Variants in FRAS1 observed in about 807,000 individuals in gnomAD.
FRAS1 encodes the protein extracellular matrix organizing protein FRAS1.
Under a neutral mutation model 435.2 loss-of-function variants are expected in FRAS1, and 290 were observed. The ratio of observed to expected loss-of-function variants is 0.67; its 90% CI spans 0.61 to 0.73. FRAS1 has a LOEUF of 0.73. Among genes scored for constraint, FRAS1 ranks in the 30% least tolerant of loss-of-function variants. The probability of loss-of-function intolerance (pLI) is 0.00; values close to 1 mark genes in which losing one functional copy is unlikely to be tolerated. For synonymous variants in FRAS1, 1,800 were observed against 1,851.0 expected, an observed-to-expected ratio of 0.97 and a Z score of 0.71; for missense variants, 4,860 against 5,001.5, an observed-to-expected ratio of 0.97 and a Z score of 0.85.
intron 2 of FRAS1, among the ~76,000 whole-genome samples, chr4:78,112,252 A>G (rs565476642): frequency 3.9e-5 from 6 of 152,294 alleles, no homozygotes; most frequent in Middle Eastern, 3.4e-3. Flanking sequence ...AGTCATGTCA[A>G]AAGCTAGCTG....
intron 27 of FRAS1, among the ~76,000 whole-genome samples, chr4:78,383,081 G>A (rs984002776): frequency 2.6e-5 from 4 of 152,158 alleles, no homozygotes; most frequent in African/African-American, 9.7e-5. Context: ...ATTCAGCAGC[G>A]AGTTCTGTGC....
At chr4:78,156,704 T>C (rs1312821295) in intron 2 of FRAS1, among the ~76,000 whole-genome samples, 1 of 152,202 alleles carries the variant, frequency 6.6e-6, no homozygotes, top group East Asian at 1.9e-4. Flanking sequence ...ATGACTGAAT[T>C]GAATGATTCT....
intron 2 of FRAS1, among the ~76,000 whole-genome samples, chr4:78,121,943 A>G (rs1162600840): frequency 1.3e-5 from 2 of 152,166 alleles, no homozygotes; most frequent in Admixed American, 6.5e-5. Flanking sequence ...AAGACTCTAG[A>G]TCCTTAAGGG....
chr4:78,262,001 G>A (rs1460525708), intron 6 of FRAS1, among the ~76,000 whole-genome samples: 3 of 152,120 alleles, frequency 2.0e-5, no homozygotes, highest in Non-Finnish European at 2.9e-5. Context: ...TCAGACTATA[G>A]TCACTGCTTG....
chr4:78,529,503 C>A (rs1338378964), intron 70 of FRAS1, among the ~76,000 whole-genome samples: 1 of 152,074 alleles, frequency 6.6e-6, no homozygotes, highest in East Asian at 1.9e-4. Flanking sequence ...TCACCACTAA[C>A]CTGATATTTG....
intron 20 of FRAS1, among the ~76,000 whole-genome samples, chr4:78,347,984 G>GCAGTGC (rs1417270281): frequency 5.9e-5 from 3 of 51,172 alleles, no homozygotes; most frequent in South Asian, 3.2e-4. Context: ...CAAGATAGGG[G>GCAGTGC]AGGAGCCAAG....
At chr4:78,167,170 T>C (rs1361103312) in intron 2 of FRAS1, among the ~76,000 whole-genome samples, 1 of 152,204 alleles carries the variant, frequency 6.6e-6, no homozygotes, top group Non-Finnish European at 1.5e-5. Flanking sequence ...CTAGATTTTC[T>C]TTTCTGTACA....
chr4:78,444,267 A>G (rs1053368507), intron 41 of FRAS1: 4 of 432,460 alleles, frequency 9.2e-6, no homozygotes, highest in Non-Finnish European at 1.8e-5. Flanking sequence ...CCTTCTGGAA[A>G]CCCTGAACTG....
intron 41 of FRAS1, among the ~76,000 whole-genome samples, chr4:78,443,264 A>G (rs1363185562): frequency 6.6e-6 from 1 of 152,178 alleles, no homozygotes; most frequent in Non-Finnish European, 1.5e-5. Context: ...AGGCTGAGGC[A>G]GGAGGATCAG....
chr4:78,477,890 G>C lies in FRAS1; in HGVS notation c.7927G>C (p.Glu2643Gln), dbSNP rs752934777. ...INDDDVFENV[E>Q]SFTVELSMPA... ...CGATGATGACGTGTTTGAAAATGTTGAGAGTTTCACTGTGGAGCTCAGCAT... is the reference window on the plus strand; with the variant it reads ...CGATGATGACGTGTTTGAAAATGTTCAGAGTTTCACTGTGGAGCTCAGCAT... The change falls in exon 55 of 74, where the codon GAG becomes CAG. Residue 2643 changes from glutamate (E) to glutamine (Q), a missense_variant. Coordinates refer to ENST00000512123, the MANE Select transcript of FRAS1 (RefSeq NM_025074.7). 1.5e-5 allele frequency: 25 copies of C among 1,613,456 alleles called. No individual in the cohort carries two copies. The highest frequency in any genetic ancestry group is 2.1e-5 in the Non-Finnish European group (25 of 1,179,772).
At chr4:78,229,086 G>C (rs546458373) in intron 2 of FRAS1, among the ~76,000 whole-genome samples, 1 of 152,222 alleles carries the variant, frequency 6.6e-6, no homozygotes, top group Admixed American at 6.5e-5. Flanking sequence ...AGGTGGGTTT[G>C]GTGGGAAAAA....
chr4:78,252,573 G>A (rs367778375), intron 5 of FRAS1, 22 bp downstream of exon 5: 13 of 1,603,464 alleles, frequency 8.1e-6, no homozygotes, highest in Non-Finnish European at 1.1e-5. Flanking sequence ...CTTGTAGAAG[G>A]GGACCCTCTT....
intron 71 of FRAS1, among the ~76,000 whole-genome samples, chr4:78,536,674 C>T (rs1163827693): frequency 6.6e-6 from 1 of 152,058 alleles, no homozygotes; most frequent in East Asian, 1.9e-4. Flanking sequence ...TGTTTCCATC[C>T]TCTCAACTGC....
intron 20 of FRAS1, among the ~76,000 whole-genome samples, chr4:78,343,715 C>T (rs559810954): frequency 2.2e-4 from 33 of 152,302 alleles, no homozygotes; most frequent in Non-Finnish European, 4.4e-4. Flanking sequence ...TAAGCTGATA[C>T]AACTGCAGCA....
chr4:78,063,494 T>C (rs1739850268), intron 1 of FRAS1, among the ~76,000 whole-genome samples: 1 of 152,222 alleles, frequency 6.6e-6, no homozygotes, highest in South Asian at 2.1e-4. Context: ...TCTTTTGGAA[T>C]TGTACAATAC....
chr4:78,297,292 T>A (rs1467960091), intron 14 of FRAS1, among the ~76,000 whole-genome samples: 1 of 152,186 alleles, frequency 6.6e-6, no homozygotes, highest in Admixed American at 6.5e-5. Context: ...ATTGTGCTAA[T>A]TCTCTGGAAA....
chr4:78,536,487 C>T (rs1013900164), intron 71 of FRAS1, among the ~76,000 whole-genome samples: 7 of 152,118 alleles, frequency 4.6e-5, no homozygotes, highest in Non-Finnish European at 1.0e-4. Context: ...CCACCCTCAC[C>T]GTTTGCTTGC....
rs781258162 is a variant in FRAS1, at chr4:78,278,748, A to G, written c.1071+4A>G. 6.6e-7 allele frequency: 1 copy of G among 1,524,030 alleles called. No individual in the cohort carries two copies. Among genetic ancestry groups the G allele is most frequent in the Non-Finnish European group, 9.1e-7 (1 of 1,100,064 alleles). The allele number at this position is 1,524,030 out of a possible 1,614,324, so 94.4% of individuals were successfully genotyped here. A position where few individuals can be genotyped will look rare whatever the true frequency, so the allele number is the denominator to read the frequency against. ...TTATGAAGAAACTGGAGAATTTGTG[A>G]GTATCAGGCTTATAACCGAAGATGA... is the stretch of plus-strand genomic sequence containing the variant. On this transcript the variant is annotated splice_donor_region_variant and intron_variant, in intron 10 of 73. Coordinates refer to ENST00000512123, the MANE Select transcript of FRAS1 (RefSeq NM_025074.7).
At chr4:78,087,305 C>T (rs1741234891) in intron 2 of FRAS1, among the ~76,000 whole-genome samples, 1 of 151,862 alleles carries the variant, frequency 6.6e-6, no homozygotes, top group South Asian at 2.1e-4. Flanking sequence ...ATGACAAACC[C>T]ACAGCCAATA....
Sources: allele counts gnomAD v4.1 joint callset (sites outside exome capture counted in the v4.1 genomes callset), GRCh38; gene constraint gnomAD v4.1.1; transcripts MANE v1.5; gene names NCBI Gene and HGNC (gene_info 2026-07-23, HGNC 2026-07-21).